The following TMEM236 variants were observed in gnomAD, a reference collection of about 807,000 sequenced individuals.
TMEM236 encodes transmembrane protein 236.
Under a neutral mutation model 14.7 loss-of-function variants are expected in TMEM236, and 11 were observed. The observed-to-expected ratio is 0.75, with a 90% CI of 0.47 to 1.24. The LOEUF is 1.24. Among genes scored for constraint, TMEM236 ranks in the 50% most tolerant of loss-of-function variants. The pLI, the probability that TMEM236 is intolerant of heterozygous loss-of-function variation, is 0.00. For missense variants in TMEM236, 464 were observed against 427.3 expected, an observed-to-expected ratio of 1.09 and a Z score of -0.76; for synonymous variants, 182 against 168.6, an observed-to-expected ratio of 1.08 and a Z score of -0.62.
At position 17,796,606 on chromosome 10, in the gene TMEM236, T is replaced by A; in HGVS notation, c.*102T>A. 1 of 1,066,342 alleles carries A rather than the reference T, an allele frequency of 9.4e-7. No homozygotes were observed. Among genetic ancestry groups the A allele is most frequent in the African/African-American group, 1.6e-5 (1 of 63,180 alleles). The allele number at this position is 1,066,342 out of a possible 1,614,324, so 66.1% of individuals were successfully genotyped here. A position where few individuals can be genotyped will look rare whatever the true frequency, so the allele number is the denominator to read the frequency against. On this transcript the variant is annotated 3_prime_UTR_variant, in exon 4 of 4. Coordinates refer to ENST00000377495, the MANE Select transcript of TMEM236 (RefSeq NM_001098844.3). ...GTAGGTGTTTGCACTATAAAGGAAA[T>A]GACTAGATTGTAGAGAATAAGCCAT...
chr10:17,770,168 A>C (rs1245873850), intron 1 of TMEM236, among the ~76,000 whole-genome samples: 1 of 152,170 alleles, frequency 6.6e-6, no homozygotes, highest in Admixed American at 6.5e-5. Flanking sequence ...ACATGATTTC[A>C]TTCTTTTTTA....
intron 1 of TMEM236, among the ~76,000 whole-genome samples, chr10:17,761,024 C>A (rs985087230): frequency 2.6e-5 from 4 of 152,174 alleles, no homozygotes; most frequent in Admixed American, 2.6e-4. Context: ...TAAACCAGCA[C>A]GAGCTTATTT....
chr10:17,774,403 A>C (rs1554835048), intron 2 of TMEM236, among the ~76,000 whole-genome samples: 1 of 152,220 alleles, frequency 6.6e-6, no homozygotes. Flanking sequence ...TTCACAATAC[A>C]TCTGGAACTG....
chr10:17,795,725 C>T (rs1554836328), intron 3 of TMEM236, among the ~76,000 whole-genome samples, 196 bp from the exon 4 acceptor site: 1 of 152,104 alleles, frequency 6.6e-6, no homozygotes, highest in East Asian at 1.9e-4. Flanking sequence ...CACCATGGCA[C>T]ACATTTGCCT....
At chr10:17,753,457 T>C (rs2131737454) in intron 1 of TMEM236, among the ~76,000 whole-genome samples, 1 of 152,272 alleles carries the variant, frequency 6.6e-6, no homozygotes, top group East Asian at 1.9e-4. Flanking sequence ...GTGCATGTGT[T>C]CTCATCATTT....
intron 3 of TMEM236, among the ~76,000 whole-genome samples, chr10:17,780,874 G>C (rs1285924414): frequency 6.6e-6 from 1 of 152,188 alleles, no homozygotes; most frequent in Non-Finnish European, 1.5e-5. Context: ...AGTGCACCGG[G>C]TTTTATAGAC....
intron 1 of TMEM236, among the ~76,000 whole-genome samples, chr10:17,770,151 G>A (rs984091832): frequency 2.0e-5 from 3 of 152,240 alleles, no homozygotes; most frequent in African/African-American, 7.2e-5. Flanking sequence ...CCATGTTGCT[G>A]CGAAGGACAT....
At chr10:17,776,441 C>T (rs1837659811) in intron 3 of TMEM236, among the ~76,000 whole-genome samples, 2 of 152,088 alleles carry the variant, frequency 1.3e-5, no homozygotes, top group African/African-American at 4.8e-5. Context: ...ATGTTTATTC[C>T]AGCAAGAAAT....
Position 17,796,060 on chromosome 10 carries a change from G to C in TMEM236, c.612G>C (p.Met204Ile). 6.2e-7 allele frequency: 1 copy of C among 1,613,928 alleles called. No individual in the cohort carries two copies. Among genetic ancestry groups the C allele is most frequent in the Non-Finnish European group, 8.5e-7 (1 of 1,179,862 alleles). Residue 204 changes from methionine (M) to isoleucine (I), a missense_variant, in exon 4 of 4, where the codon ATG becomes ATC. Coordinates refer to ENST00000377495, the MANE Select transcript of TMEM236 (RefSeq NM_001098844.3). The stretch of plus-strand genomic sequence containing the variant: ...AGGTGTCGCAGCCATCAGGAGCCAT[G>C]ACACGGAGCCAGGAGTCTGTGTTCA... ...STQVSQPSGA[M>I]TRSQESVFMG...
At chr10:17,771,798 G>A (rs1554834868) in intron 2 of TMEM236, among the ~76,000 whole-genome samples, 4 of 152,170 alleles carry the variant, frequency 2.6e-5, no homozygotes, top group Admixed American at 1.3e-4. Flanking sequence ...TAATTTGCAT[G>A]TGTTATTTAT....
At chr10:17,770,379 T>A (rs1005783289) in intron 1 of TMEM236, among the ~76,000 whole-genome samples, 30 of 152,158 alleles carry the variant, frequency 2.0e-4, no homozygotes, top group African/African-American at 6.5e-4. Context: ...TCTATTTTTT[T>A]AATTAATTAA....
rs2436675 is a variant in TMEM236 at position 17,798,413 on chromosome 10, A to C, written c.*1909A>C. On this transcript the variant is annotated 3_prime_UTR_variant, in exon 4 of 4. Transcript: ENST00000377495. ...AATTAGCTGGGCATGGTGATCTGCA[A>C]CTATAGTCCCAGCTACTTAGGAGGC... 278,052 of 384,154 alleles carry C rather than the reference A, an allele frequency of 0.72. 101,981 individuals carry two copies. The highest frequency in any genetic ancestry group is 0.9 in the African/African-American group (42,486 of 47,198). 23.8% of individuals were successfully genotyped at this position (384,154 alleles called of 1,614,324 possible). A position where few individuals can be genotyped will look rare whatever the true frequency, so the allele number is the denominator to read the frequency against.
intron 1 of TMEM236, among the ~76,000 whole-genome samples, chr10:17,755,688 G>T (rs1837275060): frequency 1.3e-5 from 2 of 152,120 alleles, no homozygotes; most frequent in East Asian, 3.9e-4. Context: ...AAGATTCCTG[G>T]CTGGGTTGGA....
At chr10:17,767,913 CTT>C (rs878872584) in intron 1 of TMEM236, among the ~76,000 whole-genome samples, 7 of 140,390 alleles carry the variant, frequency 5.0e-5, no homozygotes, top group African/African-American at 5.3e-5. Context: ...TACTCCCCAT[CTT>C]TTTTTTTTTT....
At chr10:17,787,455 C>T (rs1391215388) in intron 3 of TMEM236, among the ~76,000 whole-genome samples, 2 of 152,218 alleles carry the variant, frequency 1.3e-5, no homozygotes, top group Non-Finnish European at 2.9e-5. Flanking sequence ...GAGTGGTAGA[C>T]TCTGTGCAGA....
chr10:17,789,714 T>C (rs1837891772), intron 3 of TMEM236, among the ~76,000 whole-genome samples: 1 of 151,350 alleles, frequency 6.6e-6, no homozygotes, highest in Non-Finnish European at 1.5e-5. Context: ...GATCTCCATC[T>C]CTACAAAAAA....
At chr10:17,792,809 C>T (rs1235460323) in intron 3 of TMEM236, among the ~76,000 whole-genome samples, 9 of 152,142 alleles carry the variant, frequency 5.9e-5, no homozygotes, top group Non-Finnish European at 1.2e-4. Context: ...TTGTTTTACC[C>T]AAACAGAACA....
In TMEM236 at chr10:17,772,738, G is replaced by A. The variant is rs1463878688; in HGVS notation, c.330+1357G>A. 5.3e-5 allele frequency among the ~76,000 whole-genome samples: 8 copies of A among 152,160 alleles called. No individual in the cohort carries two copies. In the South Asian group the frequency reaches 1.0e-3, roughly 20 times the overall value. On this transcript the variant is annotated intron_variant, in intron 2 of 3. Transcript: ENST00000377495. ...CAAGGTCAAGAAGGAAACTTTGGCCGGCTCCATGCCCACACTCCTTTATTT... is the reference window on the plus strand; with the variant it reads ...CAAGGTCAAGAAGGAAACTTTGGCCAGCTCCATGCCCACACTCCTTTATTT...
At position 17,799,916 on chromosome 10, in the gene TMEM236, AT is replaced by A. The variant is rs1275095784; in HGVS notation, c.*3415del. 29 of 152,630 alleles carry A rather than the reference AT, an allele frequency of 1.9e-4. No individual in the cohort carries two copies. Among genetic ancestry groups the A allele is most frequent in the African/African-American group, 6.8e-4 (28 of 41,466 alleles). 9.5% of individuals were successfully genotyped at this position (152,630 alleles called of 1,614,324 possible). ...AAAATTGAGTAGCTAATTTAATTTC[AT>A]TTAATATTTTACTTAGAGTGTATAC... On this transcript the variant is annotated 3_prime_UTR_variant, in exon 4 of 4. Transcript: ENST00000377495.
Sources: allele counts gnomAD v4.1 joint callset (sites outside exome capture counted in the v4.1 genomes callset), GRCh38; gene constraint gnomAD v4.1.1; transcripts MANE v1.5; gene names NCBI Gene and HGNC (gene_info 2026-07-23, HGNC 2026-07-21).